PIP5K1B: variants seen among roughly 807,000 people sequenced by gnomAD.
PIP5K1B encodes the protein phosphatidylinositol 4-phosphate 5-kinase type-1 beta.
PIP5K1B carries 42 observed loss-of-function variants against 67.0 expected under a neutral mutation model. The ratio of observed to expected loss-of-function variants is 0.63; its 90% confidence interval spans 0.49 to 0.81. PIP5K1B has a LOEUF of 0.81. Among genes scored for constraint, PIP5K1B ranks in the 30% least tolerant of loss-of-function variants. The pLI, the probability that PIP5K1B is intolerant of heterozygous loss-of-function variation, is 0.00. For synonymous variants in PIP5K1B, 214 were observed against 231.4 expected, an observed-to-expected ratio of 0.92 and a Z score of 0.68; for missense variants, 459 against 646.3, an observed-to-expected ratio of 0.71 and a Z score of 3.14.
chr9:68,805,958 T>C (rs939039494), intron 2 of PIP5K1B, among the ~76,000 whole-genome samples: 2 of 152,184 alleles, frequency 1.3e-5, no homozygotes, highest in African/African-American at 2.4e-5. Flanking sequence ...TCTGTCTGTC[T>C]GGAAACACAG....
At chr9:69,001,709 C>T (rs1830832161) in intron 15 of PIP5K1B, among the ~76,000 whole-genome samples, 1 of 152,084 alleles carries the variant, frequency 6.6e-6, no homozygotes, top group East Asian at 1.9e-4. Context: ...ATGAATCAAT[C>T]GCCTCCCACC....
intron 4 of PIP5K1B, among the ~76,000 whole-genome samples, chr9:68,833,350 C>T (rs943563728): frequency 2.6e-5 from 4 of 152,106 alleles, no homozygotes; most frequent in African/African-American, 9.7e-5. Context: ...AGAGAATGGC[C>T]TTTGCCAAGC....
At chr9:68,998,485 C>G (rs1830687756) in intron 15 of PIP5K1B, among the ~76,000 whole-genome samples, 1 of 152,130 alleles carries the variant, frequency 6.6e-6, no homozygotes, top group Non-Finnish European at 1.5e-5. Flanking sequence ...TTCCCTTATC[C>G]CTCTAGACTC....
At position 68,705,587 on chromosome 9, in the gene PIP5K1B, C is replaced by T. The variant is rs1048860162; in HGVS notation, c.-418C>T. ...CGGCACCTGCCCGCCCTCAGCGTTG[C>T]CCCCGGCCCCGGCCCCGCCCGCCGC... On this transcript the variant is annotated 5_prime_UTR_variant, in exon 1 of 16. Transcript: ENST00000265382. 3.2e-5 allele frequency: 4 copies of T among 126,962 alleles called. No individual in the cohort carries two copies. The highest frequency in any genetic ancestry group is 8.7e-5 in the African/African-American group (3 of 34,398). 7.9% of individuals were successfully genotyped at this position (126,962 alleles called of 1,614,324 possible).
intron 6 of PIP5K1B, among the ~76,000 whole-genome samples, chr9:68,881,570 T>C (rs1256313696): frequency 6.6e-6 from 1 of 152,236 alleles, no homozygotes; most frequent in Non-Finnish European, 1.5e-5. Flanking sequence ...GTATTTCTAC[T>C]TAGCTTTTTG....
chr9:68,891,348 G>A (rs377204256), intron 7 of PIP5K1B, among the ~76,000 whole-genome samples: 16 of 151,810 alleles, frequency 1.1e-4, no homozygotes, highest in East Asian at 3.9e-4. Flanking sequence ...AAATGTGAAC[G>A]TCACGTGGTT....
chr9:68,854,333 C>T (rs956896168), intron 4 of PIP5K1B, among the ~76,000 whole-genome samples: 28 of 151,784 alleles, frequency 1.8e-4, no homozygotes, highest in African/African-American at 5.8e-4. Context: ...TCTTACTATG[C>T]GGCCCAGGCT....
At chr9:68,871,046 C>G (rs777597567) in intron 5 of PIP5K1B, among the ~76,000 whole-genome samples, 93 of 152,180 alleles carry the variant, frequency 6.1e-4, no homozygotes, top group Non-Finnish European at 1.2e-3. Context: ...AGTCCAGTGC[C>G]ACCAAAACTA....
At chr9:68,711,865 G>A (rs973133179) in intron 1 of PIP5K1B, among the ~76,000 whole-genome samples, 10 of 152,066 alleles carry the variant, frequency 6.6e-5, no homozygotes, top group African/African-American at 2.4e-4. Flanking sequence ...TTTGGTTCAG[G>A]GTACAGAGAC....
intron 8 of PIP5K1B, among the ~76,000 whole-genome samples, chr9:68,897,969 G>A (rs747092955): frequency 9.2e-5 from 14 of 152,100 alleles, no homozygotes; most frequent in South Asian, 2.1e-4. Flanking sequence ...TGAGCTCTGC[G>A]TCTGAAAAGA....
chr9:68,969,051 A>G (rs1829202206), intron 14 of PIP5K1B, among the ~76,000 whole-genome samples: 1 of 152,096 alleles, frequency 6.6e-6, no homozygotes, highest in Non-Finnish European at 1.5e-5. Context: ...TGGGATGTTA[A>G]TACCTACCCT....
intron 1 of PIP5K1B, among the ~76,000 whole-genome samples, chr9:68,714,435 A>G (rs943854599): frequency 7.2e-5 from 11 of 152,164 alleles, no homozygotes; most frequent in African/African-American, 2.2e-4. Flanking sequence ...TGCGGATTCT[A>G]TCCTAGCCCA....
At chr9:68,913,728 G>A (rs541193708) in intron 8 of PIP5K1B, among the ~76,000 whole-genome samples, 19 of 152,276 alleles carry the variant, frequency 1.2e-4, no homozygotes, top group African/African-American at 4.3e-4. Context: ...CACACTGAAA[G>A]TAGGGGTCTT....
At chr9:68,709,770 T>C (rs1253829322) in intron 1 of PIP5K1B, among the ~76,000 whole-genome samples, 1 of 151,882 alleles carries the variant, frequency 6.6e-6, no homozygotes, top group Non-Finnish European at 1.5e-5. Context: ...ATTAGCTGGG[T>C]ATGGTGGCAC....
chr9:68,919,248 C>T (rs1826247953), intron 9 of PIP5K1B, among the ~76,000 whole-genome samples: 1 of 152,040 alleles, frequency 6.6e-6, no homozygotes, highest in Admixed American at 6.5e-5. Flanking sequence ...ATATTATTCT[C>T]CTTTGTAGGG....
chr9:68,863,045 T>TA (rs1023482386), intron 4 of PIP5K1B, among the ~76,000 whole-genome samples: 1 of 152,154 alleles, frequency 6.6e-6, no homozygotes, highest in Non-Finnish European at 1.5e-5. Flanking sequence ...TGATCTTTAT[T>TA]ACATCCATTC....
At chr9:68,993,983 AG>A (rs1564302130) in intron 15 of PIP5K1B, among the ~76,000 whole-genome samples, 1 of 149,974 alleles carries the variant, frequency 6.7e-6, no homozygotes, top group Non-Finnish European at 1.5e-5. Context: ...GGAAGGAATG[AG>A]GGGGTTTTAT....
At chr9:68,822,536 C>G (rs1422616904) in intron 3 of PIP5K1B, 79 bp from the exon 4 acceptor site, 2 of 1,016,660 alleles carry the variant, frequency 2.0e-6, no homozygotes, top group African/African-American at 3.3e-5. Flanking sequence ...TAAAATAGAT[C>G]CTTTGGTTAG....
chr9:68,865,399 A>G (rs1823308695), intron 5 of PIP5K1B, among the ~76,000 whole-genome samples: 1 of 151,976 alleles, frequency 6.6e-6, no homozygotes, highest in Non-Finnish European at 1.5e-5. Context: ...TAGGCTCATA[A>G]TGCTTGTAAG....
Sources: gnomAD v4.1 joint callset for allele counts (sites outside exome capture counted in the v4.1 genomes callset) on GRCh38, gnomAD v4.1.1 for gene constraint, MANE v1.5 for transcripts, NCBI Gene and HGNC (gene_info 2026-07-23, HGNC 2026-07-21) for gene names.